Variants in ACACB observed in about 807,000 individuals in gnomAD.
The protein encoded by ACACB is acetyl-CoA carboxylase 2.
ACACB carries 209 observed loss-of-function variants against 278.8 expected under a neutral mutation model. The ratio of observed to expected loss-of-function variants is 0.75; its 90% confidence interval spans 0.67 to 0.84. ACACB has a LOEUF of 0.84. Among genes scored for constraint, ACACB ranks in the 40% least tolerant of loss-of-function variants. ACACB has a pLI of 0.00. For missense variants in ACACB, 2,850 were observed against 3,269.0 expected, an observed-to-expected ratio of 0.87 and a Z score of 3.13; for synonymous variants, 1,174 against 1,285.6, an observed-to-expected ratio of 0.91 and a Z score of 1.86.
At position 109,213,494 on chromosome 12, in the gene ACACB, G is replaced by A. The variant is rs142253207; in HGVS notation, c.3350+558G>A. On this transcript the variant is annotated intron_variant, in intron 22 of 52. Coordinates refer to ENST00000338432, the MANE Select transcript of ACACB (RefSeq NM_001093.4). The stretch of plus-strand genomic sequence containing the variant: ...GCAAAAATTGTTATTGTGGCTTTTG[G>A]GACAATTGCAAAGGAAAGTGGATGA... Among the ~76,000 whole-genome samples, 322 of 152,256 alleles carry A rather than the reference G, an allele frequency of 2.1e-3. 1 individual carries two copies. The highest frequency in any genetic ancestry group is 7.5e-3 in the African/African-American group (310 of 41,550).
At chr12:109,245,876 G>A in intron 38 of ACACB, 128 bp downstream of exon 38, 2 of 1,241,538 alleles carry the variant, frequency 1.6e-6, no homozygotes, top group Non-Finnish European at 2.2e-6. Context: ...ATCACTTGAG[G>A]TCAGAAGTTC....
chr12:109,157,057 G>C (rs2043563602), intron 2 of ACACB, among the ~76,000 whole-genome samples: 1 of 151,940 alleles, frequency 6.6e-6, no homozygotes, highest in Admixed American at 6.6e-5. Context: ...AGCAAGTCCA[G>C]GACGTGGGGT....
intron 2 of ACACB, among the ~76,000 whole-genome samples, chr12:109,153,564 T>G (rs6606692): frequency 0.45 from 69,194 of 152,076 alleles, 17,323 homozygotes; most frequent in Middle Eastern, 0.66. Flanking sequence ...GTTGGTTTGT[T>G]GGCTATGAAA....
At chr12:109,163,379 G>A (rs2043797667) in intron 2 of ACACB, among the ~76,000 whole-genome samples, 3 of 152,252 alleles carry the variant, frequency 2.0e-5, no homozygotes, top group African/African-American at 7.2e-5. Flanking sequence ...ATAGGAAGAG[G>A]ATGCTATAAC....
At chr12:109,239,718 A>T (rs750667137) in intron 34 of ACACB, 112 bp from the exon 35 acceptor site, 314 of 1,260,838 alleles carry the variant, frequency 2.5e-4, no homozygotes, top group Middle Eastern at 5.4e-4. Flanking sequence ...CACTTTTTGG[A>T]GGAGGGGAAT....
intron 1 of ACACB, among the ~76,000 whole-genome samples, chr12:109,136,439 A>G (rs2042967995): frequency 6.6e-6 from 1 of 152,006 alleles, no homozygotes; most frequent in African/African-American, 2.4e-5. Context: ...TTCTTCTTTA[A>G]TTTCTTTTAG....
chr12:109,209,664 A>G (rs868339074), intron 21 of ACACB, among the ~76,000 whole-genome samples: 12 of 152,016 alleles, frequency 7.9e-5, no homozygotes, highest in African/African-American at 2.7e-4. Flanking sequence ...GGCTGACATC[A>G]TTAGAGGAAA....
rs758344881 is a variant in ACACB, at chr12:109,169,909, C to G, written c.925+1875C>G. On this transcript the variant is annotated intron_variant, in intron 4 of 52. Transcript: ENST00000338432. The stretch of plus-strand genomic sequence containing the variant: ...TGATAAACATAGGAGGCAGGCAGGC[C>G]GGAAGGAGCAGCTGCTCTGGGATTT... Among the ~76,000 whole-genome samples, 32 of 152,104 alleles carry G rather than the reference C, an allele frequency of 2.1e-4. 1 individual carries two copies. Among genetic ancestry groups the G allele is most frequent in the Admixed American group, 8.5e-4 (13 of 15,260 alleles).
chr12:109,117,399 C>T (rs2042433206), intron 1 of ACACB, among the ~76,000 whole-genome samples: 1 of 151,282 alleles, frequency 6.6e-6, no homozygotes, highest in Admixed American at 6.6e-5. Flanking sequence ...AAAAAGGAGA[C>T]TAAGAGTAAA....
At chr12:109,149,403 G>A (rs1021908038) in intron 2 of ACACB, among the ~76,000 whole-genome samples, 3 of 152,236 alleles carry the variant, frequency 2.0e-5, no homozygotes, top group African/African-American at 7.2e-5. Flanking sequence ...GTGGAGGAAT[G>A]GACAGCAGGG....
chr12:109,243,888 T>TAC (rs1321179149), intron 37 of ACACB, among the ~76,000 whole-genome samples: 1 of 137,674 alleles, frequency 7.3e-6, no homozygotes, highest in South Asian at 2.3e-4. Flanking sequence ...TATATATATA[T>TAC]ATATATATTT....
rs749816455 is a variant in ACACB, at chr12:109,191,917, C to T, written c.2366C>T (p.Thr789Met). 9.9e-6 allele frequency: 16 copies of T among 1,614,024 alleles called. No homozygotes were observed. Among genetic ancestry groups the T allele is most frequent in the East Asian group, 8.9e-5 (4 of 44,882 alleles). The change falls in exon 15 of 53, where the codon ACG (threonine) becomes ATG (methionine). Residue 789 changes from threonine to methionine, a missense_variant. This residue lies in a region of ACACB where 2,265 missense variants were observed against 2,561.3 expected (regional missense o/e 0.88). Transcript: ENST00000338432. ...ALNVADAMFR[T>M]CMTDFLHSLE... ...AACGTGGCCGATGCGATGTTCAGAA[C>T]GTGCATGACAGATTTCTTACACTCC...
At position 109,201,484 on chromosome 12, in the gene ACACB, C is replaced by G. The variant is rs901187850; in HGVS notation, c.2779-83C>G. On this transcript the variant is annotated intron_variant, in intron 18 of 52. Coordinates refer to ENST00000338432, the MANE Select transcript of ACACB (RefSeq NM_001093.4). Reference sequence around the variant, plus strand: ...TCCCTGGGTAGTGTCCCGGCGCGTCCCTGCTCCGGCATCACTAGTTCTGGG... The same window carrying G: ...TCCCTGGGTAGTGTCCCGGCGCGTCGCTGCTCCGGCATCACTAGTTCTGGG... The G allele has an allele frequency of 2.6e-6, 4 of 1,544,202 alleles. No individual in the cohort carries two copies. In the South Asian group the frequency reaches 3.5e-5, roughly 14 times the overall value.
At chr12:109,203,189 T>C (rs2045388320) in intron 19 of ACACB, among the ~76,000 whole-genome samples, 1 of 152,198 alleles carries the variant, frequency 6.6e-6, no homozygotes, top group Non-Finnish European at 1.5e-5. Flanking sequence ...TGTGGCAGAA[T>C]TTCCCTGTTT....
upstream of ACACB, among the ~76,000 whole-genome samples, chr12:109,111,873 G>A (rs2042301133): frequency 6.6e-6 from 1 of 152,096 alleles, no homozygotes; most frequent in African/African-American, 2.4e-5. Context: ...CCTTATCTAT[G>A]TAGGGAAGGG....
chr12:109,183,474 C>T (rs2044548733), intron 11 of ACACB, among the ~76,000 whole-genome samples: 1 of 152,004 alleles, frequency 6.6e-6, no homozygotes, highest in African/African-American at 2.4e-5. Flanking sequence ...GTGTTTTATG[C>T]TTTTTATTAT....
chr12:109,199,247 C>CA (rs763273033), intron 17 of ACACB, among the ~76,000 whole-genome samples, 155 bp from the exon 18 acceptor site: 19 of 152,116 alleles, frequency 1.2e-4, no homozygotes, highest in Non-Finnish European at 2.5e-4. Context: ...ACCTCACTCT[C>CA]AGTGTCTCTG....
intron 13 of ACACB, among the ~76,000 whole-genome samples, chr12:109,189,602 A>G (rs2044790830): frequency 6.6e-6 from 1 of 152,170 alleles, no homozygotes; most frequent in Non-Finnish European, 1.5e-5. Context: ...CAGTGCTAAA[A>G]TGGGGACCAC....
chr12:109,165,394 GC>G (rs2043865090), intron 2 of ACACB, among the ~76,000 whole-genome samples: 1 of 152,012 alleles, frequency 6.6e-6, no homozygotes, highest in Non-Finnish European at 1.5e-5. Flanking sequence ...TTGCTACATT[GC>G]CCAGGCTGGT....
Sources: gnomAD v4.1 joint callset for allele counts (sites outside exome capture counted in the v4.1 genomes callset) on GRCh38, gnomAD v4.1.1 for gene constraint, gnomAD v4.1.1 regional missense constraint, MANE v1.5 for transcripts, NCBI Gene and HGNC (gene_info 2026-07-23, HGNC 2026-07-21) for gene names.